NFIA: variants seen among roughly 807,000 people sequenced by gnomAD.
NFIA encodes the protein nuclear factor I A.
NFIA carries 8 observed loss-of-function variants against 62.8 expected under a neutral mutation model. The ratio of observed to expected loss-of-function variants is 0.13; its 90% CI spans 0.07 to 0.23. The LOEUF (loss-of-function observed/expected upper bound fraction) is 0.23, where lower values mean the gene tolerates loss of function less well. NFIA is among the 10% of genes least tolerant of loss of function. The pLI is 1.00. For missense variants in NFIA, 410 were observed against 642.1 expected, an observed-to-expected ratio of 0.64 and a Z score of 3.91; for synonymous variants, 235 against 238.1, an observed-to-expected ratio of 0.99 and a Z score of 0.12.
At chr1:61,317,400 A>C (rs1220971503) in intron 3 of NFIA, among the ~76,000 whole-genome samples, 1 of 152,084 alleles carries the variant, frequency 6.6e-6, no homozygotes, top group East Asian at 1.9e-4. Context: ...TATTTAAAGA[A>C]GAGATGGTGA....
At chr1:61,215,590 G>A (rs1388262046) in intron 2 of NFIA, among the ~76,000 whole-genome samples, 3 of 152,052 alleles carry the variant, frequency 2.0e-5, no homozygotes, top group African/African-American at 7.2e-5. Flanking sequence ...AAAAACTAAA[G>A]TAAATTTCAT....
chr1:61,089,295 AT>A (rs769223916), intron 2 of NFIA, among the ~76,000 whole-genome samples: 1 of 152,256 alleles, frequency 6.6e-6, no homozygotes, highest in East Asian at 1.9e-4. Context: ...AATATTAAAA[AT>A]AACCAACCTG....
chr1:61,164,604 C>T (rs1384139955), intron 2 of NFIA, among the ~76,000 whole-genome samples: 3 of 151,976 alleles, frequency 2.0e-5, no homozygotes, highest in East Asian at 1.9e-4. Context: ...GGACTACAGC[C>T]GCCCGCCGCC....
At chr1:61,360,639 A>AT (rs1220927856) in intron 6 of NFIA, among the ~76,000 whole-genome samples, 2 of 151,866 alleles carry the variant, frequency 1.3e-5, no homozygotes, top group Non-Finnish European at 2.9e-5. Context: ...TCCTCCCTTA[A>AT]TTTTTTTTCA....
chr1:61,354,289 T>C (rs1662710134), intron 5 of NFIA, among the ~76,000 whole-genome samples: 1 of 152,218 alleles, frequency 6.6e-6, no homozygotes, highest in Admixed American at 6.5e-5. Flanking sequence ...AGGCTCTTCC[T>C]AGGATGATTT....
At chr1:61,369,289 T>C (rs775491480) in intron 6 of NFIA, among the ~76,000 whole-genome samples, 1 of 152,124 alleles carries the variant, frequency 6.6e-6, no homozygotes, top group Non-Finnish European at 1.5e-5. Flanking sequence ...TTTTCTGATT[T>C]GTAGATAATA....
At chr1:61,141,260 A>AC (rs1382364627) in intron 2 of NFIA, among the ~76,000 whole-genome samples, 5 of 151,984 alleles carry the variant, frequency 3.3e-5, no homozygotes, top group African/African-American at 1.2e-4. Flanking sequence ...CATGAAAAAA[A>AC]CAACAGAAAC....
At chr1:61,227,319 TTTA>T (rs1654394219) in intron 2 of NFIA, among the ~76,000 whole-genome samples, 1 of 152,124 alleles carries the variant, frequency 6.6e-6, no homozygotes, top group Non-Finnish European at 1.5e-5. Flanking sequence ...TTTTGTTTAG[TTTA>T]GAAATTGGTT....
At chr1:61,307,489 G>A (rs1570552154) in intron 3 of NFIA, among the ~76,000 whole-genome samples, 1 of 152,186 alleles carries the variant, frequency 6.6e-6, no homozygotes, top group Non-Finnish European at 1.5e-5. Context: ...AGCCCAAAAG[G>A]ACTAAGAGAA....
At chr1:61,401,691 T>C (rs567498025) in intron 7 of NFIA, among the ~76,000 whole-genome samples, 2 of 152,338 alleles carry the variant, frequency 1.3e-5, no homozygotes, top group African/African-American at 2.4e-5. Flanking sequence ...GTCAGCAGAA[T>C]TGGCACCTTT....
At chr1:61,170,534 A>G (rs1487974746) in intron 2 of NFIA, among the ~76,000 whole-genome samples, 3 of 152,168 alleles carry the variant, frequency 2.0e-5, no homozygotes, top group Non-Finnish European at 4.4e-5. Context: ...CCTGTACTCT[A>G]GCCTGTGTAG....
intron 3 of NFIA, among the ~76,000 whole-genome samples, chr1:61,315,152 G>T (rs1326278404): frequency 9.2e-5 from 14 of 152,192 alleles, no homozygotes; most frequent in Non-Finnish European, 2.1e-4. Flanking sequence ...CTGTATAAGA[G>T]AGCAGAATGC....
intron 2 of NFIA, among the ~76,000 whole-genome samples, chr1:61,264,207 T>C (rs1656986113): frequency 1.3e-5 from 2 of 152,120 alleles, no homozygotes; most frequent in Admixed American, 1.3e-4. Flanking sequence ...TTTTGAAAAG[T>C]GAATCAGAGT....
At chr1:61,347,298 C>T (rs1481527055) in intron 4 of NFIA, among the ~76,000 whole-genome samples, 2 of 151,208 alleles carry the variant, frequency 1.3e-5, no homozygotes, top group Non-Finnish European at 2.9e-5. Context: ...CTCAGCCTCC[C>T]GAGTAGCTGG....
At chr1:61,089,279 G>A (rs1646274581) in intron 2 of NFIA, among the ~76,000 whole-genome samples, 1 of 152,196 alleles carries the variant, frequency 6.6e-6, no homozygotes, top group Non-Finnish European at 1.5e-5. Context: ...AATTGATGGA[G>A]AGGTTAATAT....
chr1:61,241,074 T>C (rs767886447), intron 2 of NFIA, among the ~76,000 whole-genome samples: 2 of 152,042 alleles, frequency 1.3e-5, no homozygotes, highest in Non-Finnish European at 2.9e-5. Flanking sequence ...AGAGTTTCCA[T>C]GAGCTCATAA....
At chr1:61,248,804 A>G (rs781089049) in intron 2 of NFIA, 1 of 152,244 alleles carries the variant, frequency 6.6e-6, no homozygotes, top group East Asian at 1.9e-4. Context: ...CCCCAGCCCC[A>G]ATTCCACATA....
intron 5 of NFIA, among the ~76,000 whole-genome samples, chr1:61,353,795 C>G (rs1422084383): frequency 6.6e-6 from 1 of 152,108 alleles, no homozygotes; most frequent in Non-Finnish European, 1.5e-5. Flanking sequence ...TTTAAATGTT[C>G]CCTTTAGTTC....
intron 3 of NFIA, among the ~76,000 whole-genome samples, chr1:61,321,835 C>T (rs1660694803): frequency 1.3e-5 from 2 of 152,056 alleles, no homozygotes; most frequent in African/African-American, 4.8e-5. Context: ...ATCTAATAGA[C>T]ATAGTCCTTT....
Sources: gnomAD v4.1 joint callset for allele counts (sites outside exome capture counted in the v4.1 genomes callset) on GRCh38, gnomAD v4.1.1 for gene constraint, MANE v1.5 for transcripts, NCBI Gene and HGNC (gene_info 2026-07-23, HGNC 2026-07-21) for gene names.